The following ZNRF1 variants were observed in gnomAD, a reference collection of about 807,000 sequenced individuals.
ZNRF1 encodes the protein zinc and ring finger 1.
ZNRF1 carries 3 observed loss-of-function variants against 18.4 expected under a neutral mutation model. That is an observed-to-expected ratio of 0.16 (90% CI 0.07 to 0.42). The LOEUF is 0.42. ZNRF1 is among the 10% of genes least tolerant of loss of function. The probability of loss-of-function intolerance (pLI) is 0.99; values close to 1 mark genes in which losing one functional copy is unlikely to be tolerated. For missense variants in ZNRF1, 310 were observed against 329.8 expected (o/e 0.94, Z 0.47); for synonymous variants, 157 against 144.2 (o/e 1.09, Z -0.64).
rs1351053213 is a variant in ZNRF1 at position 75,109,920 on chromosome 16, C to T, written c.*2220C>T. ...CTCCCTGTGCTATATTTAATTCCACCAGCAAAGCTGGCGAGGCAGGGCCCA... is the reference window on the plus strand; with the variant it reads ...CTCCCTGTGCTATATTTAATTCCACTAGCAAAGCTGGCGAGGCAGGGCCCA... On this transcript the variant is annotated 3_prime_UTR_variant, in exon 5 of 5. Transcript: ENST00000335325. 1 of 152,374 alleles carries T rather than the reference C, an allele frequency of 6.6e-6. No individual in the cohort carries two copies. Among genetic ancestry groups the T allele is most frequent in the Non-Finnish European group, 1.5e-5 (1 of 68,148 alleles). 9.4% of individuals were successfully genotyped at this position (152,374 alleles called of 1,614,324 possible).
At position 75,040,042 on chromosome 16, in the gene ZNRF1, CTTTTTTTTTTTTTT is replaced by C. The variant is rs57122648; in HGVS notation, c.424+39960_424+39973del. On this transcript the variant is annotated intron_variant, in intron 1 of 4. Transcript: ENST00000335325. Reference sequence around the variant, plus strand: ...AATCTTTTGTTTCTTTCTTTTCTTTCTTTTTTTTTTTTTTTTTTTTTTTTTTGAGTCTTACTCTG... The same window carrying C: ...AATCTTTTGTTTCTTTCTTTTCTTTCTTTTTTTTTTTTGAGTCTTACTCTG... 1.0e-4 allele frequency among the ~76,000 whole-genome samples: 8 copies of C among 78,892 alleles called. No individual in the cohort carries two copies. The South Asian group carries it at 1.4e-3, about 13-fold the overall frequency. The allele number at this position is 78,892 out of a possible 152,430, so 51.8% of individuals were successfully genotyped here. A position where few individuals can be genotyped will look rare whatever the true frequency, so the allele number is the denominator to read the frequency against.
chr16:75,043,592 T>G (rs1398337723), intron 1 of ZNRF1, among the ~76,000 whole-genome samples: 1 of 152,070 alleles, frequency 6.6e-6, no homozygotes, highest in African/African-American at 2.4e-5. Context: ...TCCTGATAGA[T>G]ACACAGAAAT....
intron 1 of ZNRF1, among the ~76,000 whole-genome samples, chr16:75,061,781 A>G (rs906659048): frequency 2.6e-5 from 4 of 152,196 alleles, no homozygotes; most frequent in Admixed American, 2.6e-4. Context: ...TCACTCCTTT[A>G]GGTTTCTTAA....
chr16:75,037,475 T>A (rs1325873791), intron 1 of ZNRF1, among the ~76,000 whole-genome samples: 6 of 152,082 alleles, frequency 3.9e-5, no homozygotes, highest in Non-Finnish European at 8.8e-5. Context: ...GTAGCTGGGA[T>A]TACAAGTGTG....
At chr16:75,073,245 T>G (rs1217547349) in intron 1 of ZNRF1, among the ~76,000 whole-genome samples, 1 of 151,972 alleles carries the variant, frequency 6.6e-6, no homozygotes, top group Non-Finnish European at 1.5e-5. Context: ...AATATAAAAT[T>G]GAGGCAAGAT....
At chr16:75,059,218 CTTCT>C (rs1441207718) in intron 1 of ZNRF1, among the ~76,000 whole-genome samples, 54 of 142,258 alleles carry the variant, frequency 3.8e-4, no homozygotes, top group Admixed American at 8.6e-4. Flanking sequence ...TCCTTCTTTC[CTTCT>C]TTCTTTCTTT....
At chr16:75,027,468 C>T (rs1199382515) in intron 1 of ZNRF1, among the ~76,000 whole-genome samples, 1 of 152,014 alleles carries the variant, frequency 6.6e-6, no homozygotes, top group East Asian at 1.9e-4. Context: ...TAAGAGTTGC[C>T]CCCTGTGACT....
At chr16:75,004,463 C>G (rs550567841) in intron 1 of ZNRF1, among the ~76,000 whole-genome samples, 1 of 152,214 alleles carries the variant, frequency 6.6e-6, no homozygotes, top group South Asian at 2.1e-4. Context: ...TTTCTAGGTT[C>G]TACTATAAAA....
Position 75,069,014 on chromosome 16 carries a change from A to G in ZNRF1, c.425-24558A>G, listed in dbSNP as rs370239742. Among the ~76,000 whole-genome samples, 20 of 152,242 alleles carry G rather than the reference A, an allele frequency of 1.3e-4. 2 individuals are homozygous for G. The highest frequency in any genetic ancestry group is 1.2e-3 in the South Asian group (6 of 4,812). Reference sequence around the variant, plus strand: ...TGGATGGAATCAAGCTGATGCCCGAAGAACACCAAAGGGACCCAAGAAAGT... The same window carrying G: ...TGGATGGAATCAAGCTGATGCCCGAGGAACACCAAAGGGACCCAAGAAAGT... On this transcript the variant is annotated intron_variant, in intron 1 of 4. Coordinates refer to ENST00000335325, the MANE Select transcript of ZNRF1 (RefSeq NM_032268.5).
At chr16:75,013,991 G>A (rs1021143429) in intron 1 of ZNRF1, among the ~76,000 whole-genome samples, 6 of 151,772 alleles carry the variant, frequency 4.0e-5, no homozygotes, top group Admixed American at 6.6e-5. Flanking sequence ...CACCACACCC[G>A]ACTAATTTTT....
At chr16:75,062,608 G>C (rs1416411609) in intron 1 of ZNRF1, among the ~76,000 whole-genome samples, 1 of 152,226 alleles carries the variant, frequency 6.6e-6, no homozygotes, top group Non-Finnish European at 1.5e-5. Flanking sequence ...GCTTCTCTTG[G>C]CCGCCTGCGG....
At chr16:75,093,746 G>A (rs2036168075) in intron 2 of ZNRF1, 79 bp downstream of exon 2, 10 of 1,204,124 alleles carry the variant, frequency 8.3e-6, no homozygotes, top group Non-Finnish European at 1.2e-5. Flanking sequence ...GCCTCCAGTC[G>A]AGGGTGGTTC....
intron 1 of ZNRF1, among the ~76,000 whole-genome samples, chr16:75,062,214 G>A (rs1038488481): frequency 3.3e-5 from 5 of 152,184 alleles, no homozygotes; most frequent in Admixed American, 6.5e-5. Context: ...AACCTTCTGC[G>A]TTCAAGAGCA....
intron 1 of ZNRF1, among the ~76,000 whole-genome samples, chr16:75,051,520 C>G (rs1343226503): frequency 7.1e-6 from 1 of 141,834 alleles, no homozygotes; most frequent in Admixed American, 7.1e-5. Flanking sequence ...GCATCTTCCC[C>G]TTTTTTTTTT....
At chr16:75,061,657 G>C (rs2035746342) in intron 1 of ZNRF1, among the ~76,000 whole-genome samples, 1 of 152,040 alleles carries the variant, frequency 6.6e-6, no homozygotes, top group African/African-American at 2.4e-5. Flanking sequence ...TGATATTTTT[G>C]CCAGCAGTTT....
intron 1 of ZNRF1, among the ~76,000 whole-genome samples, chr16:75,063,547 T>C (rs1311305185): frequency 6.6e-6 from 1 of 152,196 alleles, no homozygotes; most frequent in East Asian, 1.9e-4. Context: ...TGGTATTTCG[T>C]TGGCATGTTT....
At chr16:75,072,694 A>C (rs535215843) in intron 1 of ZNRF1, among the ~76,000 whole-genome samples, 1 of 152,340 alleles carries the variant, frequency 6.6e-6, no homozygotes, top group East Asian at 1.9e-4. Context: ...CACTTGTGCA[A>C]GTGTCAAGTG....
intron 1 of ZNRF1, among the ~76,000 whole-genome samples, chr16:75,088,665 G>A (rs2036102245): frequency 6.6e-6 from 1 of 152,190 alleles, no homozygotes; most frequent in Non-Finnish European, 1.5e-5. Flanking sequence ...GGCCAGCTCT[G>A]CCTCTTTCTG....
intron 1 of ZNRF1, among the ~76,000 whole-genome samples, chr16:75,003,606 A>G (rs2034881353): frequency 6.6e-6 from 1 of 152,212 alleles, no homozygotes; most frequent in African/African-American, 2.4e-5. Flanking sequence ...GGCTGGTGCC[A>G]GAACCTGGGC....
Sources: gnomAD v4.1 joint callset for allele counts (sites outside exome capture counted in the v4.1 genomes callset) on GRCh38, gnomAD v4.1.1 for gene constraint, MANE v1.5 for transcripts, NCBI Gene and HGNC (gene_info 2026-07-23, HGNC 2026-07-21) for gene names.